The following CCDC178 variants were observed in gnomAD, a reference collection of about 807,000 sequenced individuals.
CCDC178 encodes the protein coiled-coil domain-containing protein 178.
Under a neutral mutation model 117.4 loss-of-function variants are expected in CCDC178, and 126 were observed. The observed-to-expected ratio is 1.07, with a 90% CI of 0.93 to 1.24. The LOEUF is 1.24. Among genes scored for constraint, CCDC178 ranks in the 50% most tolerant of loss-of-function variants. CCDC178 has a pLI of 0.00. For missense variants in CCDC178, 1,030 were observed against 986.9 expected (o/e 1.04, Z -0.59); for synonymous variants, 283 against 313.4 (o/e 0.90, Z 1.02).
intron 15 of CCDC178, among the ~76,000 whole-genome samples, chr18:33,238,539 A>G (rs576743550): frequency 4.6e-5 from 7 of 152,240 alleles, no homozygotes; most frequent in Admixed American, 2.0e-4. Context: ...TCAATAATAG[A>G]CTAGTACAAG....
At chr18:33,402,889 C>T (rs575112400) in intron 3 of CCDC178, among the ~76,000 whole-genome samples, 150 of 152,326 alleles carry the variant, frequency 9.8e-4, no homozygotes, top group African/African-American at 3.3e-3. Context: ...TGTAAACATA[C>T]ATGTCCACGC....
chr18:33,430,999 C>A (rs377445824), intron 2 of CCDC178, among the ~76,000 whole-genome samples: 40 of 150,094 alleles, frequency 2.7e-4, no homozygotes, highest in African/African-American at 8.8e-4. Context: ...GGCGTGAACC[C>A]AGGAGGCGGA....
At chr18:33,019,654 C>A (rs750727624) in intron 21 of CCDC178, among the ~76,000 whole-genome samples, 3 of 152,018 alleles carry the variant, frequency 2.0e-5, no homozygotes, top group Non-Finnish European at 4.4e-5. Flanking sequence ...ATGTAAGCAT[C>A]TTAAAAACTC....
intron 21 of CCDC178, among the ~76,000 whole-genome samples, chr18:33,063,277 A>G (rs1187041044): frequency 6.6e-6 from 1 of 152,126 alleles, no homozygotes; most frequent in Non-Finnish European, 1.5e-5. Flanking sequence ...ATGGGTGCCC[A>G]GCATGTCATC....
intron 11 of CCDC178, among the ~76,000 whole-genome samples, chr18:33,315,978 T>C (rs2062409462): frequency 1.3e-5 from 2 of 152,226 alleles, no homozygotes; most frequent in East Asian, 3.9e-4. Flanking sequence ...GCATTGTACC[T>C]AGAGTGGACA....
chr18:33,034,118 C>T (rs572409667), intron 21 of CCDC178, among the ~76,000 whole-genome samples: 36 of 151,982 alleles, frequency 2.4e-4, no homozygotes, highest in Middle Eastern at 3.4e-3. Flanking sequence ...TGGAGTCATC[C>T]TAGGCTCCTT....
chr18:33,199,008 A>T (rs2058964080), intron 20 of CCDC178, among the ~76,000 whole-genome samples: 1 of 152,108 alleles, frequency 6.6e-6, no homozygotes, highest in African/African-American at 2.4e-5. Flanking sequence ...ATATTCATTA[A>T]TTGAACTAAC....
intron 11 of CCDC178, among the ~76,000 whole-genome samples, chr18:33,319,926 G>A (rs549698004): frequency 6.6e-6 from 1 of 151,988 alleles, no homozygotes; most frequent in Non-Finnish European, 1.5e-5. Context: ...TTGTAGCAAG[G>A]CTGGTTCAAC....
chr18:33,328,521 A>G (rs1447377564), intron 10 of CCDC178, among the ~76,000 whole-genome samples: 1 of 152,158 alleles, frequency 6.6e-6, no homozygotes, highest in East Asian at 1.9e-4. Flanking sequence ...TTTTGAATAT[A>G]TATGGATAGT....
chr18:33,321,097 G>A (rs1599157721), intron 11 of CCDC178, among the ~76,000 whole-genome samples: 1 of 152,124 alleles, frequency 6.6e-6, no homozygotes, highest in African/African-American at 2.4e-5. Flanking sequence ...ATTCAAGATG[G>A]ACTAATGACT....
At chr18:33,425,529 T>C (rs2064109523) in intron 2 of CCDC178, among the ~76,000 whole-genome samples, 2 of 152,222 alleles carry the variant, frequency 1.3e-5, no homozygotes. Flanking sequence ...TTTTATAATA[T>C]AAAGCTTCAG....
intron 14 of CCDC178, among the ~76,000 whole-genome samples, chr18:33,261,208 T>C (rs1011940088): frequency 5.3e-5 from 8 of 152,116 alleles, no homozygotes; most frequent in Non-Finnish European, 1.0e-4. Context: ...CTCAGCCTCC[T>C]AAGTAGCTGG....
intron 22 of CCDC178, among the ~76,000 whole-genome samples, chr18:32,952,014 G>C (rs1421260917): frequency 1.3e-5 from 2 of 152,102 alleles, no homozygotes. Context: ...GTAAGAGGTA[G>C]GCTCCCACAG....
rs143022371 is a variant in CCDC178 at position 32,943,482 on chromosome 18, C to T, written c.2524-5391G>A. Among the ~76,000 whole-genome samples, 1,438 of 151,926 alleles carry T rather than the reference C, an allele frequency of 9.5e-3. 18 individuals are homozygous for T. The highest frequency in any genetic ancestry group is 1.0e-2 in the Non-Finnish European group (679 of 67,958). On this transcript the variant is annotated intron_variant, in intron 22 of 22. Coordinates refer to ENST00000383096, the MANE Select transcript of CCDC178 (RefSeq NM_001105528.4). ...TCCTAGAATTCAACATGAGTGGCAA[C>T]CTTTCCTTAAATTATTCTTATAAAT...
chr18:33,092,702 CT>C, intron 21 of CCDC178, 58 bp downstream of exon 21: 3 of 1,239,618 alleles, frequency 2.4e-6, no homozygotes, highest in Non-Finnish European at 2.3e-6. Context: ...CTACTTTTTA[CT>C]TTTGTAGTGC....
At chr18:33,104,455 C>T (rs1033661310) in intron 20 of CCDC178, among the ~76,000 whole-genome samples, 5 of 151,606 alleles carry the variant, frequency 3.3e-5, no homozygotes, top group Non-Finnish European at 5.9e-5. Context: ...TTTCTATCTT[C>T]TCTTTTCTTC....
chr18:33,277,270 C>T (rs1315899131), intron 12 of CCDC178, among the ~76,000 whole-genome samples: 3 of 152,032 alleles, frequency 2.0e-5, no homozygotes, highest in African/African-American at 7.2e-5. Flanking sequence ...TAAGAATTAT[C>T]ATTATTTACT....
intron 2 of CCDC178, among the ~76,000 whole-genome samples, chr18:33,421,471 T>C (rs1392716591): frequency 1.3e-5 from 2 of 152,200 alleles, no homozygotes; most frequent in Non-Finnish European, 2.9e-5. Context: ...TGCAAGCCAG[T>C]TGTGGTTTTG....
rs761856126 is a variant in CCDC178, at chr18:33,293,227, C to G, written c.1108G>C (p.Glu370Gln). ...NVNTNIEEKE[E>Q]EVTEAIRETK... Reference sequence around the variant, plus strand: ...TCCCTTATTGCTTCAGTCACTTCCTCTTCCTTCTCCTCAATATTAGTATTA... The same window carrying G: ...TCCCTTATTGCTTCAGTCACTTCCTGTTCCTTCTCCTCAATATTAGTATTA... Residue 370 changes from glutamate to glutamine, a missense_variant, in exon 12 of 23, where the codon GAG (glutamate) becomes CAG (glutamine). Transcript: ENST00000383096. 1.3e-6 allele frequency: 2 copies of G among 1,583,976 alleles called. No individual in the cohort carries two copies. The highest frequency in any genetic ancestry group is 2.2e-5 in the South Asian group (2 of 89,048).
Sources: allele counts gnomAD v4.1 joint callset (sites outside exome capture counted in the v4.1 genomes callset), GRCh38; gene constraint gnomAD v4.1.1; transcripts MANE v1.5; gene names NCBI Gene and HGNC (gene_info 2026-07-23, HGNC 2026-07-21).